Variants in ESRRB observed in about 807,000 individuals in gnomAD.
ESRRB encodes estrogen related receptor beta, also known as steroid hormone receptor ERR2.
ESRRB carries 16 observed loss-of-function variants against 46.0 expected under a neutral mutation model. The ratio of observed to expected loss-of-function variants is 0.35; its 90% CI spans 0.24 to 0.53. The LOEUF (loss-of-function observed/expected upper bound fraction) is 0.53. Among genes scored for constraint, ESRRB ranks in the 20% least tolerant of loss-of-function variants. The pLI, the probability that ESRRB is intolerant of heterozygous loss-of-function variation, is 0.93. For missense variants in ESRRB, 488 were observed against 607.4 expected (o/e 0.80, Z 2.07); for synonymous variants, 246 against 259.6 (o/e 0.95, Z 0.50).
exon 1 of ESRRB, chr14:76,310,797 AG>A (rs898823829): frequency 4.4e-6 from 2 of 453,062 alleles, no homozygotes; most frequent in African/African-American, 4.1e-5. Flanking sequence ...AGACACAGAC[AG>A]GGGACTGTCA....
chr14:76,414,705 T>A (rs1182023891), intron 1 of ESRRB, among the ~76,000 whole-genome samples: 3 of 149,490 alleles, frequency 2.0e-5, no homozygotes, highest in Non-Finnish European at 4.4e-5. Flanking sequence ...TATTCTAGAT[T>A]TAATTGAGTT....
At position 76,499,785 on chromosome 14, in the gene ESRRB, T is replaced by C; in HGVS notation, c.*1327T>C. 1 of 1,217,098 alleles carries C rather than the reference T, an allele frequency of 8.2e-7. No homozygotes were observed. Among genetic ancestry groups the C allele is most frequent in the Non-Finnish European group, 1.2e-6 (1 of 818,180 alleles). The allele number at this position is 1,217,098 out of a possible 1,614,324, so 75.4% of individuals were successfully genotyped here. On this transcript the variant is annotated 3_prime_UTR_variant, in exon 7 of 7. Transcript: ENST00000644823. ...ACCCCAGGCACACGGGGACAGTGGGTCACTCTATTTCTGTGGATGGCCGTG... is the reference window on the plus strand; with the variant it reads ...ACCCCAGGCACACGGGGACAGTGGGCCACTCTATTTCTGTGGATGGCCGTG...
At chr14:76,470,518 C>T (rs1403279561) in intron 3 of ESRRB, among the ~76,000 whole-genome samples, 1 of 152,192 alleles carries the variant, frequency 6.6e-6, no homozygotes, top group Admixed American at 6.5e-5. Context: ...CTAAGTAGCA[C>T]ACATCTGTTC....
intron 1 of ESRRB, among the ~76,000 whole-genome samples, chr14:76,432,783 C>A (rs915059611): frequency 3.9e-5 from 5 of 126,880 alleles, no homozygotes; most frequent in African/African-American, 1.8e-4. Flanking sequence ...TCAAGTGATT[C>A]TCCTGCTTCA....
At chr14:76,366,718 A>G (rs1441250107), upstream of ESRRB, among the ~76,000 whole-genome samples, 1 of 152,206 alleles carries the variant, frequency 6.6e-6, no homozygotes, top group South Asian at 2.1e-4. Flanking sequence ...AGAGCAAGCC[A>G]GTGGAGAAGG....
At chr14:76,448,672 C>T (rs1028947831) in intron 2 of ESRRB, among the ~76,000 whole-genome samples, 1 of 151,822 alleles carries the variant, frequency 6.6e-6, no homozygotes, top group Non-Finnish European at 1.5e-5. Flanking sequence ...CCCATGTCCT[C>T]TCACAGTACC....
At chr14:76,360,324 T>C (rs992582150) in intron 1 of ESRRB, among the ~76,000 whole-genome samples, 1 of 152,158 alleles carries the variant, frequency 6.6e-6, no homozygotes, top group African/African-American at 2.4e-5. Context: ...TCCCTCTCCA[T>C]GAACTCCAAG....
intron 1 of ESRRB, among the ~76,000 whole-genome samples, chr14:76,321,356 C>T (rs1883865154): frequency 1.3e-5 from 2 of 152,264 alleles, no homozygotes; most frequent in South Asian, 4.2e-4. Flanking sequence ...AGCCTGGGGT[C>T]ATGCCTTGTT....
chr14:76,482,867 GC>G lies in ESRRB; in HGVS notation c.850+110del. ...ATGCCCGGATCCTGGACCCCAGAAG[GC>G]CTGTGAAATCCTGGCAGGCCTGTTT... On this transcript the variant is annotated intron_variant, in intron 5 of 6. Coordinates refer to ENST00000644823, the MANE Select transcript of ESRRB (RefSeq NM_001379180.1). This position sits in a 1 kb window ranked among gnomAD's most constrained non-coding sequence, Gnocchi z 4.3. 3.7e-6 allele frequency: 5 copies of G among 1,367,272 alleles called. No individual in the cohort carries two copies. The African/African-American group carries it at 4.3e-5, about 12-fold the overall frequency. The allele number at this position is 1,367,272 out of a possible 1,614,324, so 84.7% of individuals were successfully genotyped here.
In ESRRB at chr14:76,491,616, G is replaced by A. The variant is rs761822998; in HGVS notation, c.1020G>A (p.Glu340=). The change falls in exon 6 of 7, where the codon GAG becomes GAA. Residue 340 remains glutamate, a synonymous_variant. Coordinates refer to ENST00000644823, the MANE Select transcript of ESRRB (RefSeq NM_001379180.1). ...EEHSRLAGLL[E]LYRAILQLVR... ...ACTCCCGCCTCGCGGGGCTGCTGGAGCTCTACCGGGCCATCCTGCAGCTGG... is the reference window on the plus strand; with the variant it reads ...ACTCCCGCCTCGCGGGGCTGCTGGAACTCTACCGGGCCATCCTGCAGCTGG... 5 of 1,584,214 alleles carry A rather than the reference G, an allele frequency of 3.2e-6. No homozygotes were observed. In the East Asian group the frequency reaches 9.1e-5, roughly 29 times the overall value.
intron 1 of ESRRB, among the ~76,000 whole-genome samples, chr14:76,422,747 C>G: frequency 6.6e-6 from 1 of 152,174 alleles, no homozygotes; most frequent in Non-Finnish European, 1.5e-5. Context: ...ATGAGGAAAC[C>G]AAGTCCTAGA....
chr14:76,462,005 T>C (rs1009983692), intron 2 of ESRRB, among the ~76,000 whole-genome samples: 1 of 152,242 alleles, frequency 6.6e-6, no homozygotes, highest in Non-Finnish European at 1.5e-5. Context: ...AAATTTCAAC[T>C]TGGTCAGAGG....
intron 1 of ESRRB, among the ~76,000 whole-genome samples, chr14:76,435,138 T>G (rs1432270933): frequency 6.6e-6 from 1 of 152,162 alleles, no homozygotes; most frequent in East Asian, 1.9e-4. Context: ...CAGCCGCTAG[T>G]ATCGCCCAGC....
chr14:76,460,449 T>C (rs1888803232), intron 2 of ESRRB, among the ~76,000 whole-genome samples: 1 of 152,224 alleles, frequency 6.6e-6, no homozygotes, highest in Non-Finnish European at 1.5e-5. Flanking sequence ...ATGCACACAG[T>C]AGGTGCACAA....
At chr14:76,381,098 A>G (rs10142347) in intron 1 of ESRRB, among the ~76,000 whole-genome samples, 128,967 of 152,152 alleles carry the variant, frequency 0.85, 55,028 homozygotes, top group African/African-American at 0.96. Flanking sequence ...CTCAGAGGAG[A>G]GGCCCATAGG....
At chr14:76,391,590 C>T (rs1008457360) in intron 1 of ESRRB, among the ~76,000 whole-genome samples, 10 of 152,256 alleles carry the variant, frequency 6.6e-5, no homozygotes, top group African/African-American at 2.4e-4. Context: ...GAGTGAAGCC[C>T]TTCCTTCCCA....
intron 1 of ESRRB, among the ~76,000 whole-genome samples, chr14:76,423,347 T>G (rs1887056170): frequency 6.6e-6 from 1 of 152,140 alleles, no homozygotes; most frequent in Non-Finnish European, 1.5e-5. Flanking sequence ...TTTCACCATG[T>G]TGGCCAGGCT....
chr14:76,467,685 G>A (rs1889177401), intron 3 of ESRRB, among the ~76,000 whole-genome samples: 3 of 152,060 alleles, frequency 2.0e-5, no homozygotes, highest in African/African-American at 4.8e-5. Context: ...GGTCCCCACT[G>A]TGGGTTCTAG....
intron 2 of ESRRB, among the ~76,000 whole-genome samples, chr14:76,449,122 C>T (rs1432460691): frequency 6.6e-6 from 1 of 152,188 alleles, no homozygotes; most frequent in South Asian, 2.1e-4. Flanking sequence ...ATACGTCCTA[C>T]ACCATAAGGG....
Sources: allele counts gnomAD v4.1 joint callset (sites outside exome capture counted in the v4.1 genomes callset), GRCh38; gene constraint gnomAD v4.1.1; non-coding constraint Gnocchi (gnomAD v3.1); transcripts MANE v1.5; gene names NCBI Gene and HGNC (gene_info 2026-07-23, HGNC 2026-07-21).